DNAJC6: variants seen among roughly 807,000 people sequenced by gnomAD.
DNAJC6 encodes DnaJ heat shock protein family (Hsp40) member C6.
In DNAJC6, 34 loss-of-function variants were observed where a neutral mutation model predicts 110.0. That is an observed-to-expected ratio of 0.31 (90% CI 0.24 to 0.41). The LOEUF (loss-of-function observed/expected upper bound fraction) is 0.41. Among genes scored for constraint, DNAJC6 ranks in the 10% least tolerant of loss-of-function variants. The pLI, the probability that DNAJC6 is intolerant of heterozygous loss-of-function variation, is 1.00. For synonymous variants in DNAJC6, 406 were observed against 437.2 expected, an observed-to-expected ratio of 0.93 and a Z score of 0.89; for missense variants, 1,031 against 1,207.8, an observed-to-expected ratio of 0.85 and a Z score of 2.17.
At chr1:65,341,667 G>C (rs1280259049) in intron 1 of DNAJC6, among the ~76,000 whole-genome samples, 1 of 152,084 alleles carries the variant, frequency 6.6e-6, no homozygotes, top group African/African-American at 2.4e-5. Context: ...TTGGTTCTTC[G>C]GGCTCATGCT....
rs142342080 is a variant in DNAJC6 at position 65,398,892 on chromosome 1, G to T, written c.2107+11G>T. ...GGCATGCTAAACCAGGTAAAAGCAGGTTATTTTCTGTACACATTTATATAA... is the reference window on the plus strand; with the variant it reads ...GGCATGCTAAACCAGGTAAAAGCAGTTTATTTTCTGTACACATTTATATAA... On this transcript the variant is annotated intron_variant, in intron 14 of 18. Coordinates refer to ENST00000371069, the MANE Select transcript of DNAJC6 (RefSeq NM_001256864.2). The T allele has an allele frequency of 1.3e-5, 21 of 1,613,656 alleles. No homozygotes were observed. In the African/African-American group the frequency reaches 2.1e-4, roughly 16 times the overall value.
At chr1:65,361,538 A>G (rs1439185670) in intron 1 of DNAJC6, among the ~76,000 whole-genome samples, 1 of 152,240 alleles carries the variant, frequency 6.6e-6, no homozygotes, top group Non-Finnish European at 1.5e-5. Flanking sequence ...AAGCACAGTA[A>G]AAGATACTTC....
intron 1 of DNAJC6, among the ~76,000 whole-genome samples, chr1:65,325,737 T>C (rs1645236031): frequency 6.6e-6 from 1 of 152,222 alleles, no homozygotes; most frequent in African/African-American, 2.4e-5. Context: ...GAAACGCATC[T>C]TTGGGCAATT....
chr1:65,364,733 T>C lies in DNAJC6; in HGVS notation c.292T>C (p.Leu98=), dbSNP rs74486665. 23 of 1,613,042 alleles carry C rather than the reference T, an allele frequency of 1.4e-5. No homozygotes were observed. The highest frequency in any genetic ancestry group is 1.9e-5 in the Non-Finnish European group (23 of 1,179,508). The part of the protein sequence containing the change: ...GRLFSNLKDN[L]KDTLKDTSSR... The stretch of plus-strand genomic sequence containing the variant: ...GCTCTTTAGTAACCTAAAGGACAAC[T>C]TGAAAGACACCCTCAAAGACACATC... The change falls in exon 2 of 19, where the codon TTG becomes CTG. Residue 98 remains leucine (L), a synonymous_variant. Coordinates refer to ENST00000371069, the MANE Select transcript of DNAJC6 (RefSeq NM_001256864.2).
intron 1 of DNAJC6, among the ~76,000 whole-genome samples, chr1:65,341,053 G>C (rs920177837): frequency 2.0e-5 from 3 of 152,168 alleles, no homozygotes; most frequent in Admixed American, 2.0e-4. Flanking sequence ...CAACCTCTCT[G>C]AGCCTCATTT....
chr1:65,387,315 A>G (rs911766267), intron 8 of DNAJC6, among the ~76,000 whole-genome samples: 7 of 152,264 alleles, frequency 4.6e-5, no homozygotes, highest in Admixed American at 3.9e-4. Flanking sequence ...ATAAAACCAC[A>G]TAACATAAAA....
At chr1:65,411,159 C>A in intron 17 of DNAJC6, 91 bp from the exon 18 acceptor site, 1 of 1,356,124 alleles carries the variant, frequency 7.4e-7, no homozygotes, top group Admixed American at 2.3e-5. Context: ...TTTGATGTTG[C>A]TGGAGCAGAA....
intron 1 of DNAJC6, among the ~76,000 whole-genome samples, chr1:65,281,405 T>C (rs1653838838): frequency 6.6e-6 from 1 of 152,100 alleles, no homozygotes; most frequent in South Asian, 2.1e-4. Flanking sequence ...ATGGAAACCA[T>C]TAATAGTCGC....
intron 1 of DNAJC6, among the ~76,000 whole-genome samples, chr1:65,300,043 CAAAAAAAAAAA>C: frequency 8.9e-6 from 1 of 112,044 alleles, no homozygotes; most frequent in African/African-American, 3.3e-5. Context: ...AACTCCATCT[CAAAAAAAAAAA>C]AAAAAAAAAG....
At position 65,398,879 on chromosome 1, in the gene DNAJC6, C is replaced by T; in HGVS notation, c.2105C>T (p.Pro702Leu). Residue 702 changes from proline (P) to leucine (L), a missense_variant and splice_region_variant, in exon 14 of 19, where the codon CCA (proline) becomes CTA (leucine). Coordinates refer to ENST00000371069, the MANE Select transcript of DNAJC6 (RefSeq NM_001256864.2). Reference sequence around the variant, plus strand: ...GGAGGTTGGGACTGGCATGCTAAACCAGGTAAAAGCAGGTTATTTTCTGTA... The same window carrying T: ...GGAGGTTGGGACTGGCATGCTAAACTAGGTAAAAGCAGGTTATTTTCTGTA... ...VSGGWDWHAK[P>L]GGFGMGSKSA... is the part of the protein sequence containing the mutation. 6.2e-7 allele frequency: 1 copy of T among 1,613,950 alleles called. No homozygotes were observed. Among genetic ancestry groups the T allele is most frequent in the Non-Finnish European group, 8.5e-7 (1 of 1,179,912 alleles).
chr1:65,266,999 C>T (rs1014540451), intron 1 of DNAJC6, among the ~76,000 whole-genome samples: 7 of 151,672 alleles, frequency 4.6e-5, no homozygotes, highest in South Asian at 2.1e-4. Flanking sequence ...CAGGTTCAAG[C>T]GATTCTCCTG....
chr1:65,396,155 C>G (rs984667629), intron 13 of DNAJC6, among the ~76,000 whole-genome samples: 2 of 152,150 alleles, frequency 1.3e-5, no homozygotes, highest in African/African-American at 4.8e-5. Flanking sequence ...TAATCTCAAA[C>G]TATTTGAAGT....
At chr1:65,307,016 C>CTATATATATATATA (rs1436882652), upstream of DNAJC6, among the ~76,000 whole-genome samples, 4 of 73,718 alleles carry the variant, frequency 5.4e-5, no homozygotes, top group Admixed American at 1.6e-4. Flanking sequence ...CTCTCTCTCT[C>CTATATATATATATA]TCTATATATA....
intron 1 of DNAJC6, among the ~76,000 whole-genome samples, chr1:65,294,658 T>G (rs1644912524): frequency 6.6e-6 from 1 of 152,202 alleles, no homozygotes; most frequent in African/African-American, 2.4e-5. Flanking sequence ...AATATCTTAT[T>G]GATTACATGT....
At chr1:65,280,076 G>A (rs1653797677) in intron 1 of DNAJC6, among the ~76,000 whole-genome samples, 1 of 152,082 alleles carries the variant, frequency 6.6e-6, no homozygotes, top group Admixed American at 6.6e-5. Context: ...AGGTTGTTGC[G>A]AGATTAGAAA....
intron 1 of DNAJC6, among the ~76,000 whole-genome samples, chr1:65,344,558 C>T (rs537661812): frequency 7.9e-5 from 12 of 152,142 alleles, no homozygotes; most frequent in African/African-American, 2.2e-4. Context: ...ATCTTCATGT[C>T]GTTAAAGAAA....
intron 1 of DNAJC6, among the ~76,000 whole-genome samples, chr1:65,348,350 T>C (rs754236156): frequency 6.6e-6 from 1 of 152,238 alleles, no homozygotes; most frequent in Non-Finnish European, 1.5e-5. Flanking sequence ...GTTGTTCAAA[T>C]GTTTTCTTCC....
rs35715872 is a variant in DNAJC6, at chr1:65,296,788, A to G, written c.-131+31856A>G. Among the ~76,000 whole-genome samples, 1,258 of 152,016 alleles carry G rather than the reference A, an allele frequency of 8.3e-3. 4 individuals are homozygous for G. Among genetic ancestry groups the G allele is most frequent in the Non-Finnish European group, 0.013 (877 of 67,964 alleles). On this transcript the variant is annotated intron_variant, in intron 1 of 19. Transcript: ENST00000263441. Reference sequence around the variant, plus strand: ...TTTTTATTAGAGACGGGGTTTCACCATGTTGGCCAGGCTGGTCTTGAACTC... The same window carrying G: ...TTTTTATTAGAGACGGGGTTTCACCGTGTTGGCCAGGCTGGTCTTGAACTC...
chr1:65,405,328 A>T (rs1461365734), intron 15 of DNAJC6, among the ~76,000 whole-genome samples: 2 of 152,240 alleles, frequency 1.3e-5, no homozygotes, highest in Admixed American at 6.5e-5. Context: ...AAATTTCAAA[A>T]CATCTTTATT....
Sources: allele counts gnomAD v4.1 joint callset (sites outside exome capture counted in the v4.1 genomes callset), GRCh38; gene constraint gnomAD v4.1.1; transcripts MANE v1.5; gene names NCBI Gene and HGNC (gene_info 2026-07-23, HGNC 2026-07-21).